Variants in CLSTN2 observed in about 807,000 individuals in gnomAD.
CLSTN2 encodes calsyntenin-2.
Under a neutral mutation model 101.2 loss-of-function variants are expected in CLSTN2, and 48 were observed. The observed-to-expected ratio is 0.47, with a 90% CI of 0.38 to 0.60. The LOEUF (loss-of-function observed/expected upper bound fraction) is 0.60. CLSTN2 is among the 20% of genes least tolerant of loss of function. The pLI is 0.00. For missense variants in CLSTN2, 1,160 were observed against 1,238.2 expected, an observed-to-expected ratio of 0.94 and a Z score of 0.95; for synonymous variants, 481 against 463.6, an observed-to-expected ratio of 1.04 and a Z score of -0.48.
At chr3:140,237,417 C>T (rs1050454546) in intron 2 of CLSTN2, among the ~76,000 whole-genome samples, 2 of 152,164 alleles carry the variant, frequency 1.3e-5, no homozygotes, top group Non-Finnish European at 2.9e-5. Context: ...GTAGTTTTCT[C>T]ATGTGCATCT....
At chr3:140,032,437 C>A (rs1276943426) in intron 1 of CLSTN2, among the ~76,000 whole-genome samples, 1 of 150,884 alleles carries the variant, frequency 6.6e-6, no homozygotes, top group East Asian at 2.0e-4. Flanking sequence ...CGGGTTCAAG[C>A]GCGATTCTCC....
intron 2 of CLSTN2, among the ~76,000 whole-genome samples, chr3:140,237,589 C>G (rs2086428863): frequency 6.6e-6 from 1 of 152,320 alleles, no homozygotes; most frequent in Middle Eastern, 3.4e-3. Flanking sequence ...AACTGCTAAG[C>G]TCTGTCTGGG....
In CLSTN2 at chr3:140,532,358, A is replaced by G; in HGVS notation, c.1379A>G (p.Asn460Ser). The G allele has an allele frequency of 6.2e-7, 1 of 1,611,660 alleles. No individual in the cohort carries two copies. Among genetic ancestry groups the G allele is most frequent in the African/African-American group, 1.3e-5 (1 of 75,016 alleles). Residue 460 changes from asparagine (N) to serine (S), a missense_variant, in exon 9 of 17, where the codon AAT (asparagine) becomes AGT (serine). Coordinates refer to ENST00000458420, the MANE Select transcript of CLSTN2 (RefSeq NM_022131.3). ...AAAGAGTGGCACTACTATGTCATCA[A>G]TGTGGAGTTTCCTGTGGTAACCTTA... is the stretch of plus-strand genomic sequence containing the variant. ...CDKEWHYYVI[N>S]VEFPVVTLYM...
At chr3:140,015,807 G>A (rs574651222) in intron 1 of CLSTN2, among the ~76,000 whole-genome samples, 4 of 152,360 alleles carry the variant, frequency 2.6e-5, no homozygotes, top group African/African-American at 7.2e-5. Flanking sequence ...TGGTCAGGGC[G>A]GGAAGGACTC....
At chr3:139,993,410 G>A (rs931300588) in intron 1 of CLSTN2, among the ~76,000 whole-genome samples, 3 of 152,120 alleles carry the variant, frequency 2.0e-5, no homozygotes, top group South Asian at 2.1e-4. Context: ...GTGGCCCTTC[G>A]TTTCCTAATA....
intron 2 of CLSTN2, among the ~76,000 whole-genome samples, chr3:140,367,341 C>T (rs757531932): frequency 7.9e-5 from 12 of 151,856 alleles, no homozygotes; most frequent in East Asian, 7.8e-4. Flanking sequence ...GGTGTAACCT[C>T]GTCTCTACTA....
At chr3:140,310,747 A>G (rs2107916491) in intron 2 of CLSTN2, among the ~76,000 whole-genome samples, 1 of 152,326 alleles carries the variant, frequency 6.6e-6, no homozygotes, top group South Asian at 2.1e-4. Context: ...TCAAGATGGA[A>G]TTATTATGAG....
At chr3:140,390,904 A>G (rs1010632218) in intron 2 of CLSTN2, among the ~76,000 whole-genome samples, 3 of 152,236 alleles carry the variant, frequency 2.0e-5, no homozygotes, top group South Asian at 2.1e-4. Flanking sequence ...GTTATAATGA[A>G]AACACTCTGA....
chr3:140,547,221 G>A (rs1935611833), intron 10 of CLSTN2, among the ~76,000 whole-genome samples: 1 of 152,192 alleles, frequency 6.6e-6, no homozygotes, highest in Non-Finnish European at 1.5e-5. Flanking sequence ...CACGTCTGTA[G>A]TCCCAACACT....
chr3:140,019,551 C>T (rs1412005964), intron 1 of CLSTN2, among the ~76,000 whole-genome samples: 1 of 152,230 alleles, frequency 6.6e-6, no homozygotes, highest in East Asian at 1.9e-4. Context: ...CAGACTAATA[C>T]AGATGGCATA....
chr3:140,010,833 C>G (rs183117030), intron 1 of CLSTN2, among the ~76,000 whole-genome samples: 156 of 152,270 alleles, frequency 1.0e-3, no homozygotes, highest in African/African-American at 3.6e-3. Context: ...TTGTGAGGAC[C>G]CAGTGGAATA....
At chr3:140,516,363 C>G (rs986509110) in intron 8 of CLSTN2, among the ~76,000 whole-genome samples, 1 of 152,040 alleles carries the variant, frequency 6.6e-6, no homozygotes, top group African/African-American at 2.4e-5. Context: ...AGATACTATT[C>G]TATTCATTCT....
At chr3:140,195,560 TA>T (rs1371126709) in intron 2 of CLSTN2, among the ~76,000 whole-genome samples, 2 of 151,322 alleles carry the variant, frequency 1.3e-5, no homozygotes, top group East Asian at 1.9e-4. Flanking sequence ...AAATAGTTTT[TA>T]AAAAAAAATC....
intron 1 of CLSTN2, among the ~76,000 whole-genome samples, chr3:139,962,241 G>A (rs1449816893): frequency 6.6e-6 from 1 of 151,982 alleles, no homozygotes; most frequent in Non-Finnish European, 1.5e-5. Flanking sequence ...TATTTATATT[G>A]TTGCAAAACA....
intron 2 of CLSTN2, among the ~76,000 whole-genome samples, chr3:140,257,207 C>T (rs1440006397): frequency 2.0e-5 from 3 of 152,116 alleles, no homozygotes; most frequent in African/African-American, 7.2e-5. Context: ...AATGTATGCT[C>T]CATAAATAGC....
At chr3:140,320,686 A>G (rs955381493) in intron 2 of CLSTN2, among the ~76,000 whole-genome samples, 1 of 151,818 alleles carries the variant, frequency 6.6e-6, no homozygotes. Flanking sequence ...TGTATTGACT[A>G]TTGACTCCCC....
At chr3:140,230,744 T>C (rs1183120058) in intron 2 of CLSTN2, among the ~76,000 whole-genome samples, 1 of 152,210 alleles carries the variant, frequency 6.6e-6, no homozygotes, top group Non-Finnish European at 1.5e-5. Context: ...TTCATGGTAT[T>C]TTGTTATACC....
intron 2 of CLSTN2, among the ~76,000 whole-genome samples, chr3:140,311,312 T>G (rs1285608004): frequency 2.9e-5 from 2 of 69,772 alleles, no homozygotes; most frequent in East Asian, 5.1e-4. Context: ...TTTTTTTTTT[T>G]TTTTTTTTTT....
intron 1 of CLSTN2, among the ~76,000 whole-genome samples, chr3:140,050,692 A>G (rs2007973902): frequency 6.6e-6 from 1 of 152,200 alleles, no homozygotes; most frequent in African/African-American, 2.4e-5. Context: ...TGTCAAACCC[A>G]GCCAGACAAG....
Sources: gnomAD v4.1 joint callset for allele counts (sites outside exome capture counted in the v4.1 genomes callset) on GRCh38, gnomAD v4.1.1 for gene constraint, MANE v1.5 for transcripts, NCBI Gene and HGNC (gene_info 2026-07-23, HGNC 2026-07-21) for gene names.